PLEKHH2: variants seen among roughly 807,000 people sequenced by gnomAD.
PLEKHH2 encodes the protein pleckstrin homology domain-containing family H member 2.
A neutral mutation model predicts 187.9 loss-of-function variants in PLEKHH2; 129 were observed. The observed-to-expected ratio is 0.69, with a 90% confidence interval of 0.59 to 0.79. The LOEUF (loss-of-function observed/expected upper bound fraction) is 0.79, where lower values mean the gene tolerates loss of function less well. Ranked by LOEUF, PLEKHH2 falls within the 30% of genes least tolerant of loss-of-function variation. The probability of loss-of-function intolerance (pLI) is 0.00; values close to 1 mark genes in which losing one functional copy is unlikely to be tolerated. For synonymous variants in PLEKHH2, 686 were observed against 605.6 expected (o/e 1.13, Z -1.95); for missense variants, 2,076 against 1,751.2 (o/e 1.19, Z -3.31).
intron 20 of PLEKHH2, among the ~76,000 whole-genome samples, chr2:43,739,593 C>A (rs138590163): frequency 2.6e-5 from 4 of 152,290 alleles, no homozygotes; most frequent in African/African-American, 9.6e-5. Flanking sequence ...ATCATATGAC[C>A]ATGTAAACAC....
intron 18 of PLEKHH2, among the ~76,000 whole-genome samples, chr2:43,730,129 C>T (rs1029901025): frequency 2.0e-5 from 3 of 152,168 alleles, no homozygotes; most frequent in East Asian, 1.9e-4. Context: ...TGTCCTAATG[C>T]GTTTTGTCAC....
At chr2:43,746,640 T>G (rs1671788670) in intron 24 of PLEKHH2, among the ~76,000 whole-genome samples, 1 of 152,192 alleles carries the variant, frequency 6.6e-6, no homozygotes, top group Non-Finnish European at 1.5e-5. Flanking sequence ...ATAATTTCCT[T>G]TAACAGTATT....
chr2:43,666,547 T>G (rs1196432492), intron 2 of PLEKHH2, among the ~76,000 whole-genome samples: 2 of 152,264 alleles, frequency 1.3e-5, no homozygotes, highest in Admixed American at 1.3e-4. Flanking sequence ...CTAAGGAGAC[T>G]GTACCATTTT....
chr2:43,658,491 A>T (rs1239501904), intron 2 of PLEKHH2, among the ~76,000 whole-genome samples: 1 of 152,232 alleles, frequency 6.6e-6, no homozygotes, highest in Non-Finnish European at 1.5e-5. Context: ...GAAGCAACTT[A>T]GCTTATGTTT....
At chr2:43,756,686 G>GC (rs1672222655) in intron 25 of PLEKHH2, among the ~76,000 whole-genome samples, 1 of 152,180 alleles carries the variant, frequency 6.6e-6, no homozygotes, top group East Asian at 1.9e-4. Flanking sequence ...TCTGGCTCAC[G>GC]CTTGCAATCC....
Position 43,697,278 on chromosome 2 carries a change from C to T in PLEKHH2, c.610C>T (p.Pro204Ser), listed in dbSNP as rs142153423. 7.9e-3 allele frequency: 12,723 copies of T among 1,613,742 alleles called. 129 individuals carry two copies. The highest frequency in any genetic ancestry group is 0.04 in the Middle Eastern group (243 of 6,062). The change falls in exon 7 of 30, where the codon CCT becomes TCT. Residue 204 changes from proline to serine, a missense_variant. By Grantham distance (74) the Pro-to-Ser change is moderately conservative. Transcript: ENST00000282406. ...GCFLSRARSP[P>S]QVVKSEEMSK... ...CTTTTTATCTCGAGCAAGGAGTCCT[C>T]CTCAAGTAGTAAAATCTGAGGAAAT...
chr2:43,681,370 G>C (rs1668174140), intron 3 of PLEKHH2: 3 of 1,426,288 alleles, frequency 2.1e-6, no homozygotes, highest in East Asian at 4.7e-5. Flanking sequence ...TTTACTTCTT[G>C]GCTGCTACTG....
chr2:43,746,068 G>A (rs1572654624), intron 24 of PLEKHH2, 105 bp downstream of exon 24: 1 of 610,846 alleles, frequency 1.6e-6, no homozygotes, highest in Non-Finnish European at 2.5e-6. Flanking sequence ...TTATTTATTT[G>A]TAAGTTTGTC....
intron 15 of PLEKHH2, among the ~76,000 whole-genome samples, chr2:43,716,601 G>A (rs1670221660): frequency 6.6e-6 from 1 of 152,186 alleles, no homozygotes; most frequent in Non-Finnish European, 1.5e-5. Flanking sequence ...TTACATTGTA[G>A]TGAAGTGAGG....
chr2:43,738,350 C>G lies in PLEKHH2; in HGVS notation c.2953C>G (p.Leu985Val), dbSNP rs776213521. The G allele has an allele frequency of 1.9e-6, 3 of 1,608,364 alleles. No individual in the cohort carries two copies. The highest frequency in any genetic ancestry group is 2.6e-6 in the Non-Finnish European group (3 of 1,176,228). Reference sequence around the variant, plus strand: ...TTTTTGTTTAATTCAGACCTGCCAGCTTTTTATAAATGCTGCAGTTGACTC... The same window carrying G: ...TTTTTGTTTAATTCAGACCTGCCAGGTTTTTATAAATGCTGCAGTTGACTC... ...EAIKLFKTCQ[L>V]FINAAVDSPA... Residue 985 changes from leucine to valine, a missense_variant, in exon 20 of 30, where the codon CTT (leucine) becomes GTT (valine). Transcript: ENST00000282406.
rs566443076 is a variant in PLEKHH2 at position 43,753,632 on chromosome 2, G to A, written c.3667G>A (p.Val1223Met). Residue 1223 changes from valine to methionine, a missense_variant, in exon 25 of 30, where the codon GTG (valine) becomes ATG (methionine). Transcript: ENST00000282406. ...LTYKNRLYFS[V>M]QARGETDREK... ...TTTTTTTTACAGACTATATTTCTCA[G>A]TGCAAGCTCGTGGAGAGACTGATAG... The A allele has an allele frequency of 6.6e-7, 1 of 1,518,054 alleles. No homozygotes were observed. The highest frequency in any genetic ancestry group is 1.4e-5 in the South Asian group (1 of 73,514). 94.0% of individuals were successfully genotyped at this position (1,518,054 alleles called of 1,614,324 possible).
intron 14 of PLEKHH2, chr2:43,711,436 A>G (rs1669960663): frequency 1.0e-6 from 1 of 976,306 alleles, no homozygotes; most frequent in Non-Finnish European, 1.2e-6. Context: ...AGTTCATAAT[A>G]TCTAATCACA....
intron 7 of PLEKHH2, among the ~76,000 whole-genome samples, chr2:43,698,270 C>G (rs1292728392): frequency 1.4e-5 from 2 of 142,470 alleles, no homozygotes; most frequent in African/African-American, 5.4e-5. Flanking sequence ...TTTTTTGAGA[C>G]AGGATCTCAC....
rs551694020 is a variant in PLEKHH2, at chr2:43,707,033, TA to T, written c.1822-363del. Among the ~76,000 whole-genome samples, 8 of 151,980 alleles carry T rather than the reference TA, an allele frequency of 5.3e-5. No homozygotes were observed. The South Asian group carries it at 1.7e-3, about 32-fold the overall frequency. ...CAACATGGCGAAACCCTGTCTCTACTAAAAATATAAAAATTAGCCGGGCGTG... is the reference window on the plus strand; with the variant it reads ...CAACATGGCGAAACCCTGTCTCTACTAAAATATAAAAATTAGCCGGGCGTG... On this transcript the variant is annotated intron_variant, in intron 10 of 29. Coordinates refer to ENST00000282406, the MANE Select transcript of PLEKHH2 (RefSeq NM_172069.4).
chr2:43,742,654 T>C (rs959651339), intron 21 of PLEKHH2, 87 bp from the exon 22 acceptor site: 2 of 1,001,474 alleles, frequency 2.0e-6, no homozygotes, highest in South Asian at 2.3e-5. Flanking sequence ...ATTGTGATAA[T>C]GTACACGGAT....
At chr2:43,760,643 G>T (rs549279992) in intron 27 of PLEKHH2, among the ~76,000 whole-genome samples, 1 of 152,254 alleles carries the variant, frequency 6.6e-6, no homozygotes, top group East Asian at 1.9e-4. Flanking sequence ...GATTACAGGC[G>T]TGAGCCACCG....
At chr2:43,666,888 T>C (rs1667245414) in intron 2 of PLEKHH2, among the ~76,000 whole-genome samples, 1 of 152,198 alleles carries the variant, frequency 6.6e-6, no homozygotes, top group African/African-American at 2.4e-5. Context: ...ATTTTTCTAG[T>C]ATCTCATTTT....
chr2:43,716,824 G>A (rs190237271), intron 15 of PLEKHH2, among the ~76,000 whole-genome samples: 2 of 152,186 alleles, frequency 1.3e-5, no homozygotes, highest in Admixed American at 1.3e-4. Flanking sequence ...AATATAATGA[G>A]CCCTCATATA....
intron 2 of PLEKHH2, among the ~76,000 whole-genome samples, chr2:43,673,633 A>T (rs1375504048): frequency 6.6e-6 from 1 of 152,218 alleles, no homozygotes; most frequent in Non-Finnish European, 1.5e-5. Flanking sequence ...AAAAATTTCT[A>T]TGTAACTATT....
Sources: allele counts gnomAD v4.1 joint callset (sites outside exome capture counted in the v4.1 genomes callset), GRCh38; gene constraint gnomAD v4.1.1; transcripts MANE v1.5; gene names NCBI Gene and HGNC (gene_info 2026-07-23, HGNC 2026-07-21).